LMO7: variants seen among roughly 807,000 people sequenced by gnomAD.
LMO7 encodes LIM domain only protein 7.
LMO7 carries 120 observed loss-of-function variants against 206.5 expected under a neutral mutation model. The observed-to-expected ratio is 0.58, with a 90% confidence interval of 0.50 to 0.68. The LOEUF (loss-of-function observed/expected upper bound fraction) is 0.68, where lower values mean the gene tolerates loss of function less well. Ranked by LOEUF, LMO7 falls within the 30% of genes least tolerant of loss-of-function variation. The probability of loss-of-function intolerance (pLI) is 0.00; values close to 1 mark genes in which losing one functional copy is unlikely to be tolerated. For synonymous variants in LMO7, 706 were observed against 681.5 expected, an observed-to-expected ratio of 1.04 and a Z score of -0.56; for missense variants, 1,959 against 1,957.9, an observed-to-expected ratio of 1.00 and a Z score of -0.01.
At chr13:75,709,375 T>G (rs2042902573) in intron 1 of LMO7, among the ~76,000 whole-genome samples, 1 of 152,206 alleles carries the variant, frequency 6.6e-6, no homozygotes, top group Admixed American at 6.5e-5. Context: ...ATCACCACAC[T>G]GACTTCCACA....
chr13:75,670,824 CTG>C (rs1473815828), intron 1 of LMO7, among the ~76,000 whole-genome samples: 5 of 152,060 alleles, frequency 3.3e-5, no homozygotes, highest in African/African-American at 1.2e-4. Context: ...ACTTGGCTCA[CTG>C]TAACTTTTTT....
chr13:75,674,749 C>G (rs563749842), intron 1 of LMO7, among the ~76,000 whole-genome samples: 1 of 152,132 alleles, frequency 6.6e-6, no homozygotes, highest in Non-Finnish European at 1.5e-5. Flanking sequence ...ACAATGGTGT[C>G]TCAAATCATT....
intron 1 of LMO7, among the ~76,000 whole-genome samples, chr13:75,689,574 A>C (rs1320614983): frequency 1.3e-5 from 2 of 152,198 alleles, no homozygotes; most frequent in African/African-American, 4.8e-5. Flanking sequence ...ACCCACCCTC[A>C]ATCTGGGTGG....
intron 4 of LMO7, among the ~76,000 whole-genome samples, chr13:75,765,807 A>G (rs1444070430): frequency 6.6e-6 from 1 of 152,046 alleles, no homozygotes; most frequent in East Asian, 1.9e-4. Context: ...TTCTTAATCT[A>G]TTTCTCAGAT....
intron 4 of LMO7, among the ~76,000 whole-genome samples, chr13:75,766,926 C>A (rs2139891628): frequency 6.6e-6 from 1 of 152,230 alleles, no homozygotes; most frequent in Non-Finnish European, 1.5e-5. Context: ...TCTTTGCCAA[C>A]TCATCCTCTT....
chr13:75,704,258 A>G (rs1050518783), intron 1 of LMO7, among the ~76,000 whole-genome samples: 2 of 152,154 alleles, frequency 1.3e-5, no homozygotes, highest in Non-Finnish European at 2.9e-5. Flanking sequence ...TATGGCAAAC[A>G]TGGCTCTTGG....
At chr13:75,733,492 G>C (rs1453930108) in intron 3 of LMO7, among the ~76,000 whole-genome samples, 2 of 152,190 alleles carry the variant, frequency 1.3e-5, no homozygotes, top group Non-Finnish European at 2.9e-5. Flanking sequence ...GCACAGTATT[G>C]AGGTGGGAGT....
At chr13:75,830,375 AG>A (rs1165109184) in intron 15 of LMO7, among the ~76,000 whole-genome samples, 1 of 152,164 alleles carries the variant, frequency 6.6e-6, no homozygotes, top group African/African-American at 2.4e-5. Context: ...GTTTGGAAAG[AG>A]GTGGTCTGCA....
At chr13:75,783,206 G>A (rs1174140522) in intron 4 of LMO7, among the ~76,000 whole-genome samples, 1 of 152,188 alleles carries the variant, frequency 6.6e-6, no homozygotes. Context: ...TCTAAAATGT[G>A]TAATATTAGG....
chr13:75,645,185 T>C (rs1291048183), intron 1 of LMO7, among the ~76,000 whole-genome samples: 2 of 152,236 alleles, frequency 1.3e-5, no homozygotes, highest in Non-Finnish European at 2.9e-5. Flanking sequence ...CAGATGGTTA[T>C]TGTATAGTGC....
chr13:75,834,975 G>A (rs1034680788), intron 17 of LMO7, among the ~76,000 whole-genome samples: 2 of 152,140 alleles, frequency 1.3e-5, no homozygotes, highest in Admixed American at 6.5e-5. Context: ...TAACCCTTGT[G>A]TTTTGGGAAG....
chr13:75,673,718 T>C (rs1210855146), intron 1 of LMO7, among the ~76,000 whole-genome samples: 2 of 152,246 alleles, frequency 1.3e-5, no homozygotes, highest in Non-Finnish European at 2.9e-5. Context: ...ATCTTTATTA[T>C]ATACTGTTTA....
chr13:75,801,764 T>C (rs2054764153), intron 7 of LMO7, among the ~76,000 whole-genome samples: 1 of 152,226 alleles, frequency 6.6e-6, no homozygotes, highest in Non-Finnish European at 1.5e-5. Context: ...TGCTTAATTG[T>C]TAGGGATTTT....
At chr13:75,624,043 A>T (rs1314377286) in intron 2 of LMO7, among the ~76,000 whole-genome samples, 1 of 152,166 alleles carries the variant, frequency 6.6e-6, no homozygotes, top group East Asian at 1.9e-4. Flanking sequence ...GATTATCAAG[A>T]GTGTACCTCC....
chr13:75,819,408 A>T lies in LMO7; in HGVS notation c.2080A>T (p.Lys694Ter). The change falls in exon 13 of 31, where the codon AAA (lysine) becomes TAA (stop). Residue 694 changes from lysine (K) to a stop codon, truncating the protein, a stop_gained. Coordinates refer to ENST00000377534, the MANE Select transcript of LMO7 (RefSeq NM_001306080.2). LOFTEE classifies it high-confidence loss of function. The part of the protein sequence containing the change: ...QKWQDDLAKW[K>*]DRRKSYTSDL... ...TTTCTGTCAGGACCTTGCAAAATGG[A>T]AAGATCGTCGAAAAAGTTACACTTC... The T allele has an allele frequency of 6.2e-7, 1 of 1,605,606 alleles. No individual in the cohort carries two copies. The highest frequency in any genetic ancestry group is 8.5e-7 in the Non-Finnish European group (1 of 1,177,740).
rs537971807 is a variant in LMO7, at chr13:75,787,673, C to T, written c.318-7728C>T. Reference sequence around the variant, plus strand: ...GGGATGATCTTATTTTCTCAAGTGTCACTTTAATAGTTTCCACAATGATTA... The same window carrying T: ...GGGATGATCTTATTTTCTCAAGTGTTACTTTAATAGTTTCCACAATGATTA... On this transcript the variant is annotated intron_variant, in intron 4 of 30. Coordinates refer to ENST00000377534, the MANE Select transcript of LMO7 (RefSeq NM_001306080.2). 1.8e-4 allele frequency among the ~76,000 whole-genome samples: 27 copies of T among 152,218 alleles called. No individual in the cohort carries two copies. In the South Asian group the frequency reaches 5.6e-3, roughly 32 times the overall value.
intron 3 of LMO7, among the ~76,000 whole-genome samples, chr13:75,750,340 AC>A (rs1414860954): frequency 7.3e-5 from 11 of 149,970 alleles, no homozygotes; most frequent in Admixed American, 4.0e-4. Context: ...TTGCCAAAAA[AC>A]TTTTGTCCAC....
At position 75,841,309 on chromosome 13, in the gene LMO7, A is replaced by C. The variant is rs73540628; in HGVS notation, c.3675+108A>C. 4.0e-4 allele frequency: 285 copies of C among 719,110 alleles called. 1 individual carries two copies. The African/African-American group carries it at 4.8e-3, about 12-fold the overall frequency. The allele number at this position is 719,110 out of a possible 1,614,324, so 44.5% of individuals were successfully genotyped here. A position where few individuals can be genotyped will look rare whatever the true frequency, so the allele number is the denominator to read the frequency against. ...TTTCTCCACCTTTGACCATATGTTC[A>C]CCTGTGTAGCTCTTTGAAAAATACA... is the stretch of plus-strand genomic sequence containing the variant. On this transcript the variant is annotated intron_variant, in intron 23 of 30. Transcript: ENST00000377534.
chr13:75,738,447 C>A (rs776278305), intron 3 of LMO7, among the ~76,000 whole-genome samples: 1 of 152,142 alleles, frequency 6.6e-6, no homozygotes, highest in Non-Finnish European at 1.5e-5. Context: ...AACATTCATG[C>A]AATTATTTTT....
Sources: gnomAD v4.1 joint callset for allele counts (sites outside exome capture counted in the v4.1 genomes callset) on GRCh38, gnomAD v4.1.1 for gene constraint, MANE v1.5 for transcripts, NCBI Gene and HGNC (gene_info 2026-07-23, HGNC 2026-07-21) for gene names.